The following PMFBP1 variants were observed in gnomAD, a reference collection of about 807,000 sequenced individuals.
PMFBP1 encodes the protein polyamine-modulated factor 1-binding protein 1.
In PMFBP1, 131 loss-of-function variants were observed where a neutral mutation model predicts 137.8. The observed-to-expected ratio is 0.95, with a 90% CI of 0.82 to 1.10. PMFBP1 has a LOEUF of 1.10. PMFBP1 is among the 50% of genes least tolerant of loss of function. PMFBP1 has a pLI of 0.00. For missense variants in PMFBP1, 1,199 were observed against 1,175.4 expected (o/e 1.02, Z -0.29); for synonymous variants, 490 against 450.4 (o/e 1.09, Z -1.11).
At chr16:72,139,179 TA>T in intron 7 of PMFBP1, 109 bp downstream of exon 7, 2 of 801,028 alleles carry the variant, frequency 2.5e-6, no homozygotes, top group Non-Finnish European at 4.0e-6. Flanking sequence ...CACACAGATA[TA>T]AAATAAAATA....
At chr16:72,168,540 G>A (rs1030741373) in intron 2 of PMFBP1, among the ~76,000 whole-genome samples, 5 of 152,176 alleles carry the variant, frequency 3.3e-5, no homozygotes, top group Admixed American at 1.3e-4. Flanking sequence ...ATCAATCATA[G>A]CTCTGTAACC....
At chr16:72,158,186 T>A (rs2043010435) in intron 3 of PMFBP1, among the ~76,000 whole-genome samples, 1 of 151,980 alleles carries the variant, frequency 6.6e-6, no homozygotes, top group South Asian at 2.1e-4. Flanking sequence ...GCCTCAGAAT[T>A]GAGAAGAGAG....
At position 72,130,502 on chromosome 16, in the gene PMFBP1, T is replaced by G. The variant is rs746950141; in HGVS notation, c.1637+31A>C. 1.9e-6 allele frequency: 3 copies of G among 1,612,600 alleles called. No homozygotes were observed. In the South Asian group the frequency reaches 3.3e-5, roughly 18 times the overall value. Reference sequence around the variant, plus strand: ...CGGCTGGGTCAAGAGTGACAGAACCTCTCTCTGGAGGGGAGCCTGAGCCTG... The same window carrying G: ...CGGCTGGGTCAAGAGTGACAGAACCGCTCTCTGGAGGGGAGCCTGAGCCTG... On this transcript the variant is annotated intron_variant, in intron 11 of 20. Coordinates refer to ENST00000237353, the MANE Select transcript of PMFBP1 (RefSeq NM_031293.3).
chr16:72,122,225 T>G (rs1051090223), intron 19 of PMFBP1, among the ~76,000 whole-genome samples: 4 of 152,192 alleles, frequency 2.6e-5, no homozygotes, highest in Non-Finnish European at 5.9e-5. Context: ...AAAGAAATGA[T>G]CTCATTCTTT....
the PMFBP1 span, among the ~76,000 whole-genome samples, chr16:72,218,487 G>C: frequency 6.6e-6 from 1 of 152,004 alleles, no homozygotes; most frequent in Non-Finnish European, 1.5e-5. Flanking sequence ...TGCCATGTTG[G>C]CCAAGCTGGT....
chr16:72,224,537 A>C, the PMFBP1 span: 2 of 152,364 alleles, frequency 1.3e-5, no homozygotes, highest in Admixed American at 6.6e-5. Context: ...CCAACCACTC[A>C]CTATTTCCCA....
chr16:72,151,688 A>T (rs2042905004), intron 4 of PMFBP1, among the ~76,000 whole-genome samples: 1 of 152,176 alleles, frequency 6.6e-6, no homozygotes, highest in African/African-American at 2.4e-5. Context: ...TTAGGAAAGG[A>T]TAACTTTGTG....
At position 72,125,223 on chromosome 16, in the gene PMFBP1, CT is replaced by C; in HGVS notation, c.2421+14del. On this transcript the variant is annotated intron_variant, in intron 16 of 20. Coordinates refer to ENST00000237353, the MANE Select transcript of PMFBP1 (RefSeq NM_031293.3). ...CCTACCAGGAAGGCAGCCCAAGCCC[CT>C]GGCAGCTCCTCACCTCCAGCTCACT... The C allele has an allele frequency of 3.1e-6, 5 of 1,609,758 alleles. No homozygotes were observed. Among genetic ancestry groups the C allele is most frequent in the Non-Finnish European group, 4.2e-6 (5 of 1,178,658 alleles).
At chr16:72,122,776 G>A (rs559818216) in intron 19 of PMFBP1, 138 bp downstream of exon 19, 11 of 706,808 alleles carry the variant, frequency 1.6e-5, no homozygotes, top group Admixed American at 2.8e-5. Flanking sequence ...ATGCAGATTC[G>A]AGACCTGGGG....
At chr16:72,151,472 A>G (rs1388512286) in intron 4 of PMFBP1, among the ~76,000 whole-genome samples, 1 of 152,262 alleles carries the variant, frequency 6.6e-6, no homozygotes, top group African/African-American at 2.4e-5. Context: ...TCTTGGGGAC[A>G]TAAGATTTAA....
the PMFBP1 span, among the ~76,000 whole-genome samples, chr16:72,223,267 T>C: frequency 6.6e-6 from 1 of 152,234 alleles, no homozygotes. Flanking sequence ...TGTGGATCAG[T>C]ATTAGTGAAC....
At chr16:72,189,673 C>T in the PMFBP1 span, among the ~76,000 whole-genome samples, 1 of 152,170 alleles carries the variant, frequency 6.6e-6, no homozygotes, top group African/African-American at 2.4e-5. Flanking sequence ...GCTGTAATTG[C>T]CCAAGGGGTC....
intron 5 of PMFBP1, 28 bp from the exon 6 acceptor site, chr16:72,140,610 T>C: frequency 1.3e-6 from 2 of 1,598,442 alleles, no homozygotes; most frequent in Non-Finnish European, 1.7e-6. Flanking sequence ...AATGGGTTGA[T>C]TTTGCTTATA....
Position 72,139,729 on chromosome 16 carries a change from A to G in PMFBP1, c.808-330T>C, listed in dbSNP as rs548898691. ...TATACCTAATCTATCAGAGGACAGG[A>G]TACAAAGTTTGAGAATTAAAGAAGG... On this transcript the variant is annotated intron_variant, in intron 6 of 20. Coordinates refer to ENST00000237353, the MANE Select transcript of PMFBP1 (RefSeq NM_031293.3). Among the ~76,000 whole-genome samples, 87 of 152,348 alleles carry G rather than the reference A, an allele frequency of 5.7e-4. 1 individual carries two copies. Among genetic ancestry groups the G allele is most frequent in the African/African-American group, 1.9e-3 (77 of 41,594 alleles).
intron 14 of PMFBP1, among the ~76,000 whole-genome samples, chr16:72,126,778 G>C (rs1180020729): frequency 6.6e-6 from 1 of 152,240 alleles, no homozygotes; most frequent in Non-Finnish European, 1.5e-5. Context: ...ATCGTAATGA[G>C]TATTCATGGT....
intron 3 of PMFBP1, 115 bp from the exon 4 acceptor site, chr16:72,154,574 A>C (rs944821141): frequency 4.2e-6 from 5 of 1,197,302 alleles, no homozygotes; most frequent in Non-Finnish European, 5.8e-6. Context: ...CCATCTTTTT[A>C]TCTTTTCATC....
At chr16:72,224,606 T>A in the PMFBP1 span, 1 of 152,654 alleles carries the variant, frequency 6.6e-6, no homozygotes, top group Non-Finnish European at 1.5e-5. Context: ...CACACCTGCC[T>A]CCCTTCTGCT....
chr16:72,243,224 T>C, the PMFBP1 span, among the ~76,000 whole-genome samples: 1 of 152,202 alleles, frequency 6.6e-6, no homozygotes, highest in South Asian at 2.1e-4. Context: ...CCATAAACAA[T>C]TATTTTCCAT....
the PMFBP1 span, among the ~76,000 whole-genome samples, chr16:72,215,272 A>G: frequency 6.6e-6 from 1 of 152,148 alleles, no homozygotes; most frequent in Non-Finnish European, 1.5e-5. Context: ...ACAGAGTCCC[A>G]AACATGACAA....
Sources: allele counts gnomAD v4.1 joint callset (sites outside exome capture counted in the v4.1 genomes callset), GRCh38; gene constraint gnomAD v4.1.1; transcripts MANE v1.5; gene names NCBI Gene and HGNC (gene_info 2026-07-23, HGNC 2026-07-21).